The following HUWE1 variants were observed in gnomAD, a reference collection of about 807,000 sequenced individuals.
HUWE1 encodes E3 ubiquitin-protein ligase HUWE1.
Under a neutral mutation model 299.4 loss-of-function variants are expected in HUWE1, and 18 were observed. That is an observed-to-expected ratio of 0.06 (90% CI 0.04 to 0.09). The LOEUF is 0.09. HUWE1 is among the 10% of genes least tolerant of loss of function. The pLI is 1.00. For missense variants in HUWE1, 1,832 were observed against 3,462.3 expected (o/e 0.53, Z 11.82); for synonymous variants, 1,317 against 1,286.1 (o/e 1.02, Z -0.51).
At chrX:53,566,428 TA>T (rs1249772846) in intron 49 of HUWE1, among the ~76,000 whole-genome samples, 1 of 107,305 alleles carries the variant, frequency 9.3e-6, no homozygotes, top group Non-Finnish European at 1.9e-5. Flanking sequence ...CCTGTTTCTA[TA>T]AAGAGGAAAA....
intron 81 of HUWE1, 137 bp downstream of exon 81, chrX:53,535,247 G>T: frequency 1.9e-6 from 1 of 526,826 alleles, no homozygotes; most frequent in South Asian, 2.5e-5. Flanking sequence ...AAGTATTTTT[G>T]ATCAAGTGTT....
chrX:53,646,993 T>C (rs931284051), intron 6 of HUWE1, among the ~76,000 whole-genome samples: 5 of 111,108 alleles, frequency 4.5e-5, no homozygotes, highest in African/African-American at 1.6e-4. Context: ...CTTAGAGGAG[T>C]AGTAAGTACA....
intron 3 of HUWE1, among the ~76,000 whole-genome samples, chrX:53,677,413 C>T (rs782664283): frequency 2.4e-3 from 265 of 109,750 alleles, no homozygotes; most frequent in Non-Finnish European, 3.9e-3. Flanking sequence ...GATGAAGGAC[C>T]GTGTGGCACA....
At chrX:53,610,419 C>T (rs189689193) in intron 23 of HUWE1, among the ~76,000 whole-genome samples, 24 of 111,957 alleles carry the variant, frequency 2.1e-4, no homozygotes, top group Admixed American at 1.5e-3. Flanking sequence ...GCCCAAGAAG[C>T]CATACAGGAA....
At chrX:53,632,414 G>A in intron 9 of HUWE1, 73 bp downstream of exon 9, 1 of 738,567 alleles carries the variant, frequency 1.4e-6, no homozygotes, top group Non-Finnish European at 2.2e-6. Flanking sequence ...ATTTAACTGA[G>A]GAGTTCTAGA....
intron 4 of HUWE1, among the ~76,000 whole-genome samples, chrX:53,651,652 C>T (rs782157827): frequency 2.7e-5 from 3 of 111,494 alleles, no homozygotes; most frequent in Non-Finnish European, 3.8e-5. Context: ...TTGGTTCCAT[C>T]TGCAAATGTG....
chrX:53,547,674 T>A lies in HUWE1; in HGVS notation c.10635A>T (p.Ser3545=). 8.3e-7 allele frequency: 1 copy of A among 1,210,205 alleles called. No homozygotes were observed. The highest frequency in any genetic ancestry group is 1.1e-6 in the Non-Finnish European group (1 of 894,798). The change falls in exon 68 of 84, where the codon TCA becomes TCT. Residue 3545 remains serine (S), a splice_region_variant and synonymous_variant. Transcript: ENST00000262854. ...TTPTTATTTV[S]ISPTTKGSKS... is the part of the protein sequence containing the mutation. ...CTCCCAGTCTACATCCACACTTACTTGAAACAGTAGTGGTAGCAGTCGTGG... is the reference window on the plus strand; with the variant it reads ...CTCCCAGTCTACATCCACACTTACTAGAAACAGTAGTGGTAGCAGTCGTGG...
chrX:53,540,774 A>G, intron 74 of HUWE1, among the ~76,000 whole-genome samples: 1 of 111,489 alleles, frequency 9.0e-6, no homozygotes, highest in Non-Finnish European at 1.9e-5. Context: ...GCTAAGCAGC[A>G]AGACACAACC....
chrX:53,634,323 T>C, intron 7 of HUWE1, 25 bp from the exon 8 acceptor site: 1 of 1,137,828 alleles, frequency 8.8e-7, no homozygotes, highest in Non-Finnish European at 1.2e-6. Flanking sequence ...AAGATAGTGT[T>C]AAGACAGTGC....
Position 53,593,511 on chromosome X carries a change from G to A in HUWE1, c.3594C>T (p.Phe1198=). 2.5e-6 allele frequency: 3 copies of A among 1,211,242 alleles called. No individual in the cohort carries two copies. Among genetic ancestry groups the A allele is most frequent in the South Asian group, 1.8e-5 (1 of 56,956 alleles). ...HSDLPDGTGE[F]LDAWLMLVEK... ...CCACCAGCATAAGCCAGGCATCTAG[G>A]AATTCTCCTGTGCCATCAGGCAAGT... Residue 1198 remains phenylalanine, a synonymous_variant, in exon 32 of 84, where the codon TTC becomes TTT. Coordinates refer to ENST00000262854, the MANE Select transcript of HUWE1 (RefSeq NM_031407.7).
chrX:53,583,544 C>G lies in HUWE1; in HGVS notation c.5520+14G>C. On this transcript the variant is annotated intron_variant, in intron 42 of 83. Coordinates refer to ENST00000262854, the MANE Select transcript of HUWE1 (RefSeq NM_031407.7). ...TGTAAAGCTAAACCAGAATCTGATA[C>G]AAAACACACTCACCTTTTCCATGGT... The G allele has an allele frequency of 8.9e-7, 1 of 1,120,138 alleles. No individual in the cohort carries two copies. The highest frequency in any genetic ancestry group is 3.0e-5 in the East Asian group (1 of 33,446). 92.3% of individuals were successfully genotyped at this position (1,120,138 alleles called of 1,213,427 possible).
chrX:53,535,911 T>TATG, intron 80 of HUWE1: 1 of 375,890 alleles, frequency 2.7e-6, no homozygotes, highest in Non-Finnish European at 4.6e-6. Context: ...AATGAGGAAT[T>TATG]ATGTACTGGA....
intron 45 of HUWE1, among the ~76,000 whole-genome samples, 200 bp downstream of exon 45, chrX:53,575,443 A>C (rs1421830802): frequency 9.0e-6 from 1 of 111,462 alleles, no homozygotes; most frequent in Non-Finnish European, 1.9e-5. Context: ...AAAGAAAAAA[A>C]ATTAAAGAAC....
intron 3 of HUWE1, among the ~76,000 whole-genome samples, chrX:53,674,679 G>A (rs1164414059): frequency 2.7e-5 from 3 of 111,746 alleles, no homozygotes; most frequent in African/African-American, 9.8e-5. Context: ...AACTGCTATA[G>A]CACATTTTGT....
chrX:53,587,306 ATAAT>A (rs1217631863), intron 37 of HUWE1, among the ~76,000 whole-genome samples: 3 of 112,495 alleles, frequency 2.7e-5, no homozygotes, highest in Non-Finnish European at 5.6e-5. Context: ...GGAAAATGGA[ATAAT>A]TAAACACAGT....
intron 7 of HUWE1, among the ~76,000 whole-genome samples, chrX:53,642,553 G>A (rs1383100862): frequency 8.9e-6 from 1 of 111,742 alleles, no homozygotes; most frequent in African/African-American, 3.3e-5. Flanking sequence ...CACGTTTATG[G>A]AAATGATGCG....
chrX:53,563,382 C>T (rs782771354), intron 52 of HUWE1, among the ~76,000 whole-genome samples: 11 of 111,470 alleles, frequency 9.9e-5, no homozygotes, highest in Non-Finnish European at 1.9e-4. Flanking sequence ...TCTTTTTACA[C>T]TACTGAGACT....
chrX:53,534,454 C>T, intron 82 of HUWE1, 62 bp downstream of exon 82: 1 of 1,040,921 alleles, frequency 9.6e-7, no homozygotes, highest in Non-Finnish European at 1.3e-6. Context: ...TTTGGTATCA[C>T]ACAAACTAGC....
intron 72 of HUWE1, among the ~76,000 whole-genome samples, 180 bp downstream of exon 72, chrX:53,544,380 T>C (rs781847073): frequency 1.8e-5 from 2 of 111,221 alleles, no homozygotes; most frequent in African/African-American, 3.3e-5. Flanking sequence ...ATGAATTTCC[T>C]ACGCAGATAG....
Sources: gnomAD v4.1 joint callset for allele counts (sites outside exome capture counted in the v4.1 genomes callset) on GRCh38, gnomAD v4.1.1 for gene constraint, MANE v1.5 for transcripts, NCBI Gene and HGNC (gene_info 2026-07-23, HGNC 2026-07-21) for gene names.